CAMTA1: variants seen among roughly 807,000 people sequenced by gnomAD.
CAMTA1 encodes calmodulin-binding transcription activator 1.
CAMTA1 carries 27 observed loss-of-function variants against 170.9 expected under a neutral mutation model. The ratio of observed to expected loss-of-function variants is 0.16; its 90% confidence interval spans 0.12 to 0.22. The LOEUF (loss-of-function observed/expected upper bound fraction) is 0.22, where lower values mean the gene tolerates loss of function less well. Ranked by LOEUF, CAMTA1 falls within the 10% of genes least tolerant of loss-of-function variation. The pLI is 1.00. For synonymous variants in CAMTA1, 833 were observed against 891.5 expected (o/e 0.93, Z 1.17); for missense variants, 1,619 against 2,217.2 (o/e 0.73, Z 5.42).
At chr1:7,668,308 G>C (rs575441507) in intron 9 of CAMTA1, among the ~76,000 whole-genome samples, 1 of 151,590 alleles carries the variant, frequency 6.6e-6, no homozygotes, top group Admixed American at 6.6e-5. Flanking sequence ...TCTCTTCTCT[G>C]AGTGGCCCTC....
intron 3 of CAMTA1, among the ~76,000 whole-genome samples, chr1:7,012,410 C>A (rs1359898536): frequency 6.6e-6 from 1 of 152,132 alleles, no homozygotes; most frequent in Admixed American, 6.5e-5. Flanking sequence ...GGTCCTGCCT[C>A]CTGGGTTTCT....
rs945275461 is a variant in CAMTA1 at position 7,570,771 on chromosome 1, C to A, written c.511-69629C>A. 3.3e-5 allele frequency among the ~76,000 whole-genome samples: 5 copies of A among 152,162 alleles called. No individual in the cohort carries two copies. Among genetic ancestry groups the A allele is most frequent in the Admixed American group, 2.0e-4 (3 of 15,282 alleles). On this transcript the variant is annotated intron_variant, in intron 6 of 22. Transcript: ENST00000303635. This position sits in a 1 kb window ranked among gnomAD's most constrained non-coding sequence, Gnocchi z 4.3. The stretch of plus-strand genomic sequence containing the variant: ...GCCTCACCTCTGCTCTCCATCACCC[C>A]CCACCGCAGAGGGAAAATCAGTGTT...
At chr1:6,925,318 C>T (rs1023286814) in intron 3 of CAMTA1, among the ~76,000 whole-genome samples, 1 of 152,216 alleles carries the variant, frequency 6.6e-6, no homozygotes, top group Non-Finnish European at 1.5e-5. Flanking sequence ...CTCCCCTGCG[C>T]GTCATGGGGT....
chr1:6,914,072 A>C (rs779696717), intron 3 of CAMTA1, among the ~76,000 whole-genome samples: 2 of 149,486 alleles, frequency 1.3e-5, no homozygotes, highest in Non-Finnish European at 3.0e-5. Flanking sequence ...CCTCACATTA[A>C]TGTAGGTTGC....
At chr1:7,492,834 A>C (rs1428980454) in intron 6 of CAMTA1, among the ~76,000 whole-genome samples, 2 of 130,852 alleles carry the variant, frequency 1.5e-5, no homozygotes, top group African/African-American at 3.0e-5. Flanking sequence ...CAAACATACA[A>C]ACACGCACAC....
chr1:7,597,517 G>A (rs1168477210), intron 6 of CAMTA1, among the ~76,000 whole-genome samples: 1 of 152,154 alleles, frequency 6.6e-6, no homozygotes, highest in African/African-American at 2.4e-5. Context: ...TGTTTCCTGG[G>A]TGGGAACTGT....
chr1:6,848,276 G>A (rs189077504), intron 3 of CAMTA1, among the ~76,000 whole-genome samples: 5 of 152,258 alleles, frequency 3.3e-5, no homozygotes, highest in Admixed American at 1.3e-4. Context: ...AGCCTCCAGC[G>A]TGGCTGAGAC....
chr1:7,246,838 T>C (rs1558303904), intron 4 of CAMTA1, among the ~76,000 whole-genome samples: 1 of 152,128 alleles, frequency 6.6e-6, no homozygotes, highest in Non-Finnish European at 1.5e-5. Flanking sequence ...GGCTAATTTT[T>C]TGTATTTTTA....
intron 1 of CAMTA1, among the ~76,000 whole-genome samples, chr1:6,819,964 T>C (rs1646298548): frequency 6.6e-6 from 1 of 152,238 alleles, no homozygotes; most frequent in Non-Finnish European, 1.5e-5. Flanking sequence ...TTCAATCTCT[T>C]AATACAGAAG....
chr1:7,419,029 C>A (rs967104668), intron 5 of CAMTA1, among the ~76,000 whole-genome samples: 9 of 152,224 alleles, frequency 5.9e-5, no homozygotes, highest in African/African-American at 2.2e-4. Flanking sequence ...CCAGTCACTG[C>A]GGCCTCTGTA....
In CAMTA1 at chr1:7,681,426, G is replaced by T. The variant is rs915862076; in HGVS notation, c.2914+3693G>T. On this transcript the variant is annotated intron_variant, in intron 11 of 22. Transcript: ENST00000303635. The surrounding 1 kb of genome is among the most constrained non-coding windows in gnomAD (Gnocchi z 4.6). ...AGGGTGGCAGGAGAGGGAATGAGCG[G>T]CTGCCTTTAACCCAGGGTCTTCGGG... 3.3e-5 allele frequency among the ~76,000 whole-genome samples: 5 copies of T among 152,176 alleles called. No individual in the cohort carries two copies. Among genetic ancestry groups the T allele is most frequent in the African/African-American group, 1.2e-4 (5 of 41,446 alleles).
chr1:7,165,634 A>G (rs2148793814), intron 4 of CAMTA1, among the ~76,000 whole-genome samples: 1 of 152,118 alleles, frequency 6.6e-6, no homozygotes, highest in South Asian at 2.1e-4. Context: ...GTTTCACCAT[A>G]TTGCTCAGTC....
intron 3 of CAMTA1, among the ~76,000 whole-genome samples, chr1:6,893,978 CTCTTT>C (rs1675118100): frequency 6.6e-6 from 1 of 152,178 alleles, no homozygotes; most frequent in Admixed American, 6.5e-5. Flanking sequence ...TTTCTCCTCT[CTCTTT>C]TCTTTACCCA....
chr1:7,134,421 GT>G (rs1442769578), intron 4 of CAMTA1, among the ~76,000 whole-genome samples: 3 of 152,100 alleles, frequency 2.0e-5, no homozygotes, highest in African/African-American at 7.2e-5. Flanking sequence ...AGCCTCCCAA[GT>G]AGCTGAAACT....
intron 3 of CAMTA1, among the ~76,000 whole-genome samples, chr1:6,899,538 A>ACGCG (rs753718746): frequency 2.4e-3 from 285 of 117,638 alleles, no homozygotes; most frequent in Middle Eastern, 7.7e-3. Context: ...TATGTGTATA[A>ACGCG]CGCGCACGCG....
intron 5 of CAMTA1, among the ~76,000 whole-genome samples, chr1:7,424,452 G>C (rs769623219): frequency 6.6e-6 from 1 of 151,694 alleles, no homozygotes; most frequent in Non-Finnish European, 1.5e-5. Context: ...GGGAGGATGA[G>C]GGGGGGTGGG....
chr1:7,710,500 T>C (rs548779335), intron 11 of CAMTA1, among the ~76,000 whole-genome samples: 2 of 147,882 alleles, frequency 1.4e-5, no homozygotes, highest in East Asian at 2.0e-4. Flanking sequence ...CTCAGGAGGC[T>C]GAAGCAGGAG....
intron 6 of CAMTA1, among the ~76,000 whole-genome samples, chr1:7,468,717 T>A (rs1218881438): frequency 6.6e-6 from 1 of 152,236 alleles, no homozygotes; most frequent in Non-Finnish European, 1.5e-5. Flanking sequence ...TACTGTTGCC[T>A]CTACCCAGGA....
rs907658762 is a variant in CAMTA1 at position 7,680,884 on chromosome 1, T to A, written c.2914+3151T>A. Among the ~76,000 whole-genome samples the A allele has an allele frequency of 5.2e-5, 5 of 95,336 alleles. No homozygotes were observed. Among genetic ancestry groups the A allele is most frequent in the Middle Eastern group, 6.8e-3 (1 of 146 alleles). The allele number at this position is 95,336 out of a possible 152,430, so 62.5% of individuals were successfully genotyped here. On this transcript the variant is annotated intron_variant, in intron 11 of 22. Coordinates refer to ENST00000303635, the MANE Select transcript of CAMTA1 (RefSeq NM_015215.4). The surrounding 1 kb of genome is among the most constrained non-coding windows in gnomAD (Gnocchi z 4.4). ...CGCCAGCAGCAGCAGCAGCAGCAGC[T>A]GCTGCGGCGAAGTCTTTGTCCCCGC...
Sources: allele counts gnomAD v4.1 joint callset (sites outside exome capture counted in the v4.1 genomes callset), GRCh38; gene constraint gnomAD v4.1.1; non-coding constraint Gnocchi (gnomAD v3.1); transcripts MANE v1.5; gene names NCBI Gene and HGNC (gene_info 2026-07-23, HGNC 2026-07-21).